Variants in KCNIP1 observed in about 807,000 individuals in gnomAD.
The protein encoded by KCNIP1 is potassium voltage-gated channel interacting protein 1.
In KCNIP1, 18 loss-of-function variants were observed where a neutral mutation model predicts 33.0. That is an observed-to-expected ratio of 0.55 (90% CI 0.38 to 0.81). The LOEUF (loss-of-function observed/expected upper bound fraction) is 0.81. KCNIP1 is among the 30% of genes least tolerant of loss of function. The pLI, the probability that KCNIP1 is intolerant of heterozygous loss-of-function variation, is 0.00. For synonymous variants in KCNIP1, 93 were observed against 98.3 expected (o/e 0.95, Z 0.32); for missense variants, 238 against 271.6 (o/e 0.88, Z 0.87).
intron 1 of KCNIP1, among the ~76,000 whole-genome samples, chr5:170,677,644 G>A (rs1413364763): frequency 1.3e-5 from 2 of 152,066 alleles, no homozygotes; most frequent in African/African-American, 4.8e-5. Flanking sequence ...CAAGATGCAA[G>A]GACCTAAACT....
At chr5:170,402,806 G>A (rs1754942333) in intron 1 of KCNIP1, among the ~76,000 whole-genome samples, 2 of 152,094 alleles carry the variant, frequency 1.3e-5, no homozygotes, top group South Asian at 4.2e-4. Flanking sequence ...TTGGTCAGCT[G>A]GCCACGGCTG....
Position 170,504,279 on chromosome 5 carries a change from G to A in KCNIP1, c.-294G>A, listed in dbSNP as rs1455659470. ...TGTCCAGTGCCAGGCAGGCTTCAGG[G>A]CACCGTCCTCGGCCCTGGGCGAGGG... On this transcript the variant is annotated 5_prime_UTR_variant, in exon 1 of 8. Coordinates refer to ENST00000328939, the MANE Select transcript of KCNIP1 (RefSeq NM_014592.4). This position sits in a 1 kb window ranked among gnomAD's most constrained non-coding sequence, Gnocchi z 6.0. 1.1e-5 allele frequency: 14 copies of A among 1,248,602 alleles called. No homozygotes were observed. Among genetic ancestry groups the A allele is most frequent in the Non-Finnish European group, 1.3e-5 (13 of 996,312 alleles). 77.3% of individuals were successfully genotyped at this position (1,248,602 alleles called of 1,614,324 possible).
intron 1 of KCNIP1, among the ~76,000 whole-genome samples, chr5:170,662,269 C>A (rs527876514): frequency 1.3e-5 from 2 of 152,278 alleles, no homozygotes; most frequent in Admixed American, 6.5e-5. Context: ...GTAGGGTGTT[C>A]TTTCCCTTCT....
intron 6 of KCNIP1, 105 bp downstream of exon 6, chr5:170,733,009 T>C (rs1328584994): frequency 5.4e-5 from 35 of 653,278 alleles, no homozygotes; most frequent in Non-Finnish European, 8.1e-5. Flanking sequence ...CTAAGCATGG[T>C]TGGTAACAGA....
chr5:170,357,790 G>A (rs1173262747), intron 1 of KCNIP1, among the ~76,000 whole-genome samples: 1 of 152,202 alleles, frequency 6.6e-6, no homozygotes, highest in Admixed American at 6.5e-5. Flanking sequence ...GGCTCCCAAA[G>A]TGCTGGGATT....
intron 1 of KCNIP1, among the ~76,000 whole-genome samples, chr5:170,574,296 C>A (rs1044486242): frequency 6.6e-6 from 1 of 152,158 alleles, no homozygotes; most frequent in African/African-American, 2.4e-5. Flanking sequence ...AAAACATCAC[C>A]AAACTTCTAA....
chr5:170,618,545 A>AAGGAAG (rs1759484590), intron 1 of KCNIP1, among the ~76,000 whole-genome samples: 1 of 46,068 alleles, frequency 2.2e-5, no homozygotes, highest in Non-Finnish European at 3.9e-5. Flanking sequence ...GAAAGGAGGG[A>AAGGAAG]GGAGGGAGGG....
chr5:170,653,747 A>C (rs1252561514), intron 1 of KCNIP1, among the ~76,000 whole-genome samples: 1 of 151,470 alleles, frequency 6.6e-6, no homozygotes, highest in Non-Finnish European at 1.5e-5. Context: ...TTTTTCCAAT[A>C]TCCATGGCAG....
intron 1 of KCNIP1, among the ~76,000 whole-genome samples, chr5:170,580,851 C>T (rs147409197): frequency 2.1e-5 from 2 of 96,668 alleles, no homozygotes; most frequent in South Asian, 7.5e-4. Flanking sequence ...TAAGGAAAAG[C>T]TTTTGAATAC....
At chr5:170,683,734 T>C (rs1762440588) in intron 1 of KCNIP1, among the ~76,000 whole-genome samples, 2 of 151,974 alleles carry the variant, frequency 1.3e-5, no homozygotes, top group South Asian at 2.1e-4. Context: ...GTTTTTTTTT[T>C]TTTCTTCGAG....
chr5:170,414,713 C>A (rs2113413528), intron 1 of KCNIP1, among the ~76,000 whole-genome samples: 1 of 152,358 alleles, frequency 6.6e-6, no homozygotes, highest in South Asian at 2.1e-4. Flanking sequence ...ATCCAAGTTT[C>A]AGGAACTTAC....
chr5:170,666,623 G>A (rs539970518), intron 1 of KCNIP1, among the ~76,000 whole-genome samples: 43 of 152,332 alleles, frequency 2.8e-4, no homozygotes, highest in African/African-American at 9.6e-4. Flanking sequence ...GAAATCCAGC[G>A]TTAACATTTT....
At chr5:170,731,284 G>A (rs1417504196) in intron 5 of KCNIP1, among the ~76,000 whole-genome samples, 1 of 152,112 alleles carries the variant, frequency 6.6e-6, no homozygotes, top group Admixed American at 6.5e-5. Context: ...TGGTATTCTT[G>A]CCAGAAATGC....
intron 1 of KCNIP1, among the ~76,000 whole-genome samples, chr5:170,444,564 T>C (rs570949360): frequency 6.6e-6 from 1 of 150,594 alleles, no homozygotes; most frequent in African/African-American, 2.5e-5. Flanking sequence ...GCGGATGTCT[T>C]TAGAGGGCCA....
At chr5:170,629,840 C>G (rs943274112) in intron 1 of KCNIP1, among the ~76,000 whole-genome samples, 10 of 152,254 alleles carry the variant, frequency 6.6e-5, no homozygotes, top group African/African-American at 2.4e-4. Context: ...AGGGCAACCA[C>G]CACACAAGAT....
chr5:170,670,390 A>G (rs1218404111), intron 1 of KCNIP1, among the ~76,000 whole-genome samples: 3 of 152,176 alleles, frequency 2.0e-5, no homozygotes, highest in Non-Finnish European at 4.4e-5. Context: ...TAACCCTTCC[A>G]AGGACTTAGA....
At chr5:170,676,557 G>A (rs1025674242) in intron 1 of KCNIP1, among the ~76,000 whole-genome samples, 5 of 152,084 alleles carry the variant, frequency 3.3e-5, no homozygotes, top group South Asian at 2.1e-4. Flanking sequence ...TTTTAATACC[G>A]ACTGCAGCAG....
At chr5:170,692,627 CTG>C (rs1215732714) in intron 1 of KCNIP1, among the ~76,000 whole-genome samples, 1 of 152,178 alleles carries the variant, frequency 6.6e-6, no homozygotes, top group Non-Finnish European at 1.5e-5. Flanking sequence ...TAATGACAAA[CTG>C]GGGATACTAA....
chr5:170,358,056 C>G (rs145870522), intron 1 of KCNIP1, among the ~76,000 whole-genome samples: 1 of 152,304 alleles, frequency 6.6e-6, no homozygotes, highest in African/African-American at 2.4e-5. Context: ...CAGTCAGCTC[C>G]CCTCCACCCG....
Sources: allele counts gnomAD v4.1 joint callset (sites outside exome capture counted in the v4.1 genomes callset), GRCh38; gene constraint gnomAD v4.1.1; non-coding constraint Gnocchi (gnomAD v3.1); transcripts MANE v1.5; gene names NCBI Gene and HGNC (gene_info 2026-07-23, HGNC 2026-07-21).